Variants in PIM2 observed in about 807,000 individuals in gnomAD.
PIM2 encodes serine/threonine-protein kinase pim-2.
A neutral mutation model predicts 18.0 loss-of-function variants in PIM2; 3 were observed. That is an observed-to-expected ratio of 0.17 (90% CI 0.08 to 0.43). PIM2 has a LOEUF of 0.43. PIM2 is among the 20% of genes least tolerant of loss of function. The pLI is 0.99. For synonymous variants in PIM2, 117 were observed against 105.3 expected, an observed-to-expected ratio of 1.11 and a Z score of -0.68; for missense variants, 181 against 260.8, an observed-to-expected ratio of 0.69 and a Z score of 2.11.
In PIM2 at chrX:48,915,405, G is replaced by T; in HGVS notation, c.223-13C>A. The T allele has an allele frequency of 8.4e-7, 1 of 1,190,756 alleles. No individual in the cohort carries two copies. Among genetic ancestry groups the T allele is most frequent in the Non-Finnish European group, 1.1e-6 (1 of 882,728 alleles). ...TGACTGAGTCTGACTGGGGGCACAG[G>T]TGGGGTGGGAAGCAGGGAGAGAAAA... On this transcript the variant is annotated splice_polypyrimidine_tract_variant and intron_variant, in intron 3 of 5. Coordinates refer to ENST00000376509, the MANE Select transcript of PIM2 (RefSeq NM_006875.4).
At chrX:48,917,039 C>T (rs1426897223) in intron 3 of PIM2, among the ~76,000 whole-genome samples, 3 of 110,062 alleles carry the variant, frequency 2.7e-5, no homozygotes, top group African/African-American at 1.0e-4. Flanking sequence ...CCTGTAGTCC[C>T]AGCTACTTGG....
Position 48,915,135 on chromosome X carries a change from G to A in PIM2, c.480C>T (p.Val160=). The A allele has an allele frequency of 8.2e-7, 1 of 1,212,256 alleles. No individual in the cohort carries two copies. The highest frequency in any genetic ancestry group is 1.1e-6 in the Non-Finnish European group (1 of 895,522). ...AIQHCHSRGV[V]HRDIKDENIL... The stretch of plus-strand genomic sequence containing the variant: ...TGTTCTCATCCTTGATGTCACGATG[G>A]ACAACTCCACGGGAATGGCAGTGCT... Residue 160 remains valine (V), a synonymous_variant, in exon 4 of 6, where the codon GTC becomes GTT. Coordinates refer to ENST00000376509, the MANE Select transcript of PIM2 (RefSeq NM_006875.4).
chrX:48,914,235 C>A lies in PIM2; in HGVS notation c.832G>T (p.Glu278Ter). The A allele has an allele frequency of 8.3e-7, 1 of 1,204,550 alleles. No individual in the cohort carries two copies. Among genetic ancestry groups the A allele is most frequent in the Non-Finnish European group, 1.1e-6 (1 of 891,997 alleles). ...APKPSSRPSLEEILLDPWMQT... is the reference protein window; with the variant it reads ...APKPSSRPSL ...ATCCAGGGGTCCAGCAGGATCTCTT[C>A]CAGTGAGGGTCGGGAAGAAGGTTTG... The change falls in exon 6 of 6, where the codon GAA becomes TAA. Residue 278 changes from glutamate (E) to a stop codon, truncating the protein, a stop_gained. Transcript: ENST00000376509. LOFTEE classifies it high-confidence loss of function.
intron 2 of PIM2, 53 bp from the exon 3 acceptor site, chrX:48,917,884 C>T: frequency 2.1e-6 from 2 of 939,350 alleles, no homozygotes; most frequent in Non-Finnish European, 3.0e-6. Flanking sequence ...CAGACCCCTC[C>T]CAGTCTAGAC....
At chrX:48,914,862 T>C (rs1389286447) in intron 4 of PIM2, 158 bp downstream of exon 4, 11 of 530,200 alleles carry the variant, frequency 2.1e-5, no homozygotes, top group Admixed American at 2.1e-4. Context: ...ATGGACTTTA[T>C]CAGAGGGCAA....
At chrX:48,914,329 G>A in intron 5 of PIM2, 35 bp from the exon 6 acceptor site, 1 of 1,210,758 alleles carries the variant, frequency 8.3e-7, no homozygotes. Context: ...AAGATTAGCA[G>A]TCAGTAGGGG....
intron 2 of PIM2, among the ~76,000 whole-genome samples, chrX:48,918,089 G>T (rs2063568058): frequency 9.1e-6 from 1 of 109,418 alleles, no homozygotes; most frequent in Admixed American, 9.7e-5. Context: ...TCCAAGTCCT[G>T]AGTTCTAGAT....
intron 3 of PIM2, 109 bp downstream of exon 3, chrX:48,917,670 GTA>G: frequency 1.8e-6 from 1 of 556,900 alleles, no homozygotes; most frequent in Non-Finnish European, 3.1e-6. Context: ...TGGGCTGGCA[GTA>G]TTCTCACTGT....
intron 3 of PIM2, 63 bp from the exon 4 acceptor site, chrX:48,915,455 C>G: frequency 1.9e-6 from 2 of 1,080,674 alleles, no homozygotes; most frequent in Non-Finnish European, 2.5e-6. Flanking sequence ...GGCAACAGCT[C>G]TGAGGCTTTT....
rs1294590414 is a variant in PIM2, at chrX:48,918,610, G to C, written c.97C>G (p.Arg33Gly). 4 of 1,201,394 alleles carry C rather than the reference G, an allele frequency of 3.3e-6. No individual in the cohort carries two copies. The Admixed American group carries it at 8.8e-5, about 26-fold the overall frequency. The change falls in exon 2 of 6, where the codon CGA becomes GGA. Residue 33 changes from arginine (R) to glycine (G), a missense_variant. Around this residue, in one of 5 missense-constraint regions of PIM2, gnomAD observed 104 missense variants for 125.3 expected, o/e 0.83. Coordinates refer to ENST00000376509, the MANE Select transcript of PIM2 (RefSeq NM_006875.4). ...KDREAFEAEY[R>G]LGPLLGKGGF... ...CCCTTACCCAGGAGGGGGCCGAGTC[G>C]ATACTCGGCCTCGAACGCTTCCCGA...
At chrX:48,918,703 C>T (rs1011424498) in intron 1 of PIM2, 58 bp from the exon 2 acceptor site, 57 of 1,123,784 alleles carry the variant, frequency 5.1e-5, no homozygotes, top group Admixed American at 2.4e-4. Context: ...AGCCACGACT[C>T]CCTCCCCCCG....
chrX:48,918,420 C>T (rs1214045432), intron 2 of PIM2, 116 bp downstream of exon 2: 4 of 515,839 alleles, frequency 7.8e-6, no homozygotes, highest in African/African-American at 2.5e-5. Context: ...CACACACACA[C>T]ACCTGGTCCT....
intron 3 of PIM2, 140 bp downstream of exon 3, chrX:48,917,641 C>T (rs1271548986): frequency 8.4e-5 from 40 of 475,894 alleles, no homozygotes; most frequent in Non-Finnish European, 4.9e-5. Context: ...AACTGTATGT[C>T]ACCCCAAGGG....
At chrX:48,917,160 A>G (rs782224109) in intron 3 of PIM2, among the ~76,000 whole-genome samples, 2 of 109,710 alleles carry the variant, frequency 1.8e-5, no homozygotes, top group East Asian at 5.7e-4. Context: ...GTCTCCAAAA[A>G]AAAAAAAGTA....
rs1483491965 is a variant in PIM2, at chrX:48,913,566, A to AG, written c.*564_*565insC. 4 of 107,076 alleles carry AG rather than the reference A, an allele frequency of 3.7e-5. No homozygotes were observed. The highest frequency in any genetic ancestry group is 7.7e-5 in the Non-Finnish European group (4 of 51,679). 8.8% of individuals were successfully genotyped at this position (107,076 alleles called of 1,213,427 possible). A position where few individuals can be genotyped will look rare whatever the true frequency, so the allele number is the denominator to read the frequency against. On this transcript the variant is annotated 3_prime_UTR_variant, in exon 6 of 6. Coordinates refer to ENST00000376509, the MANE Select transcript of PIM2 (RefSeq NM_006875.4). The stretch of plus-strand genomic sequence containing the variant: ...GGGTCCCCTCACCCAAAAAAAAAAA[A>AG]AAAAAAAAGAAGCCTTGGGGTAACA...
Position 48,913,805 on chromosome X carries a change from C to A in PIM2, c.*326G>T, listed in dbSNP as rs1429707455. On this transcript the variant is annotated 3_prime_UTR_variant, in exon 6 of 6. Coordinates refer to ENST00000376509, the MANE Select transcript of PIM2 (RefSeq NM_006875.4). ...GTGCCAATGTGGGGTGACACATCAT[C>A]AGAATAAGAGTCCCGGGGCTCAGAA... is the stretch of plus-strand genomic sequence containing the variant. 2 of 194,264 alleles carry A rather than the reference C, an allele frequency of 1.0e-5. No homozygotes were observed. The highest frequency in any genetic ancestry group is 7.9e-5 in the Admixed American group (1 of 12,667). The allele number at this position is 194,264 out of a possible 1,213,427, so 16.0% of individuals were successfully genotyped here.
intron 2 of PIM2, among the ~76,000 whole-genome samples, chrX:48,918,302 C>A (rs1196940029): frequency 4.2e-5 from 3 of 70,639 alleles, no homozygotes; most frequent in African/African-American, 1.6e-4. Context: ...CCCCCTGCCC[C>A]CCCCCCCCGC....
Position 48,918,935 on chromosome X carries a change from AG to A in PIM2, c.-102del. ...TGGGGAGCCAGGGCTGGGGGGCGCC[AG>A]GGTGGAAAGCAGAGAAACTGGTGGC... On this transcript the variant is annotated 5_prime_UTR_variant, in exon 1 of 6. Transcript: ENST00000376509. 1 of 702,039 alleles carries A rather than the reference AG, an allele frequency of 1.4e-6. No individual in the cohort carries two copies. The highest frequency in any genetic ancestry group is 2.6e-5 in the South Asian group (1 of 38,656). 57.9% of individuals were successfully genotyped at this position (702,039 alleles called of 1,213,427 possible).
chrX:48,918,289 A>C, intron 2 of PIM2, among the ~76,000 whole-genome samples: 1 of 60,456 alleles, frequency 1.7e-5, no homozygotes. Flanking sequence ...CCGGAATCTG[A>C]AGCCCCCTGC....
Sources: allele counts gnomAD v4.1 joint callset (sites outside exome capture counted in the v4.1 genomes callset), GRCh38; gene constraint gnomAD v4.1.1; regional missense constraint gnomAD v4.1.1; transcripts MANE v1.5; gene names NCBI Gene and HGNC (gene_info 2026-07-23, HGNC 2026-07-21).